The following STXBP4 variants were observed in gnomAD, a reference collection of about 807,000 sequenced individuals.
STXBP4 encodes the protein syntaxin binding protein 4, also known as syntaxin-binding protein 4.
In STXBP4, 55 loss-of-function variants were observed where a neutral mutation model predicts 76.1. The observed-to-expected ratio is 0.72, with a 90% CI of 0.58 to 0.91. The LOEUF is 0.91. STXBP4 is among the 40% of genes least tolerant of loss of function. The pLI, the probability that STXBP4 is intolerant of heterozygous loss-of-function variation, is 0.00. For missense variants in STXBP4, 618 were observed against 636.9 expected (o/e 0.97, Z 0.32); for synonymous variants, 201 against 220.2 (o/e 0.91, Z 0.77).
In STXBP4 at chr17:55,169,551, A is replaced by G. The variant is rs1056032942; in HGVS notation, c.*9640A>G. The G allele has an allele frequency of 1.3e-5, 2 of 152,238 alleles. No individual in the cohort carries two copies. The highest frequency in any genetic ancestry group is 2.9e-5 in the Non-Finnish European group (2 of 68,056). The allele number at this position is 152,238 out of a possible 1,614,324, so 9.4% of individuals were successfully genotyped here. A position where few individuals can be genotyped will look rare whatever the true frequency, so the allele number is the denominator to read the frequency against. Reference sequence around the variant, plus strand: ...GGATCTGAAAGTGCTAGCAGTGCCTATTATACATCCAAATACTAAAGACGC... The same window carrying G: ...GGATCTGAAAGTGCTAGCAGTGCCTGTTATACATCCAAATACTAAAGACGC... On this transcript the variant is annotated 3_prime_UTR_variant, in exon 18 of 18. Transcript: ENST00000376352.
intron 17 of STXBP4, among the ~76,000 whole-genome samples, chr17:55,153,586 T>C (rs1318232665): frequency 6.6e-6 from 1 of 152,216 alleles, no homozygotes; most frequent in East Asian, 1.9e-4. Context: ...ATTTTAGTTT[T>C]TTAAGGTTTT....
intron 8 of STXBP4, among the ~76,000 whole-genome samples, chr17:55,009,730 CT>C (rs1011814411): frequency 3.3e-5 from 5 of 151,800 alleles, no homozygotes; most frequent in African/African-American, 4.8e-5. Context: ...GTAGAGCATT[CT>C]TTTTTTTCAG....
chr17:55,031,065 T>C, intron 8 of STXBP4, 103 bp from the exon 9 acceptor site: 1 of 818,710 alleles, frequency 1.2e-6, no homozygotes, highest in South Asian at 1.7e-5. Context: ...TGGTCGACTG[T>C]TTCTGGTATT....
chr17:55,151,519 T>C (rs2080217425), intron 17 of STXBP4, among the ~76,000 whole-genome samples: 1 of 152,186 alleles, frequency 6.6e-6, no homozygotes, highest in South Asian at 2.1e-4. Flanking sequence ...TGCCTGCACT[T>C]TGTTACTTAG....
At chr17:55,206,069 T>C in the STXBP4 span, among the ~76,000 whole-genome samples, 3 of 152,232 alleles carry the variant, frequency 2.0e-5, no homozygotes, top group African/African-American at 7.2e-5. Context: ...AAACTCTATA[T>C]TGATTAGTGA....
rs560839722 is a variant in STXBP4, at chr17:55,127,605, A to G, written c.1490-13705A>G. ...GGGGTCACTTTTATTTAAGTTTATA[A>G]CTCTTTAATGTAATGATTATTGAGT... On this transcript the variant is annotated intron_variant, in intron 16 of 17. Coordinates refer to ENST00000376352, the MANE Select transcript of STXBP4 (RefSeq NM_178509.6). Among the ~76,000 whole-genome samples the G allele has an allele frequency of 2.6e-5, 4 of 152,186 alleles. No individual in the cohort carries two copies. The East Asian group carries it at 7.7e-4, about 29-fold the overall frequency.
At chr17:55,085,588 A>G (rs1411872981) in intron 16 of STXBP4, among the ~76,000 whole-genome samples, 2 of 151,872 alleles carry the variant, frequency 1.3e-5, no homozygotes, top group East Asian at 1.9e-4. Flanking sequence ...AATCTTCCCT[A>G]TGCTGGGGAA....
the STXBP4 span, among the ~76,000 whole-genome samples, chr17:55,208,985 G>A: frequency 1.3e-5 from 2 of 151,982 alleles, no homozygotes; most frequent in Non-Finnish European, 2.9e-5. Flanking sequence ...AGGAGGCTGA[G>A]GCAGGAGAAT....
At chr17:55,211,565 A>T in the STXBP4 span, among the ~76,000 whole-genome samples, 1 of 151,778 alleles carries the variant, frequency 6.6e-6, no homozygotes. Context: ...TTATTTCCCT[A>T]TTGTTTTTTG....
chr17:55,173,481 G>A lies in STXBP4; in HGVS notation c.*13570G>A, dbSNP rs868089389. 3.9e-5 allele frequency: 6 copies of A among 152,310 alleles called. No homozygotes were observed. Among genetic ancestry groups the A allele is most frequent in the Middle Eastern group, 6.8e-3 (2 of 294 alleles). The allele number at this position is 152,310 out of a possible 1,614,324, so 9.4% of individuals were successfully genotyped here. A position where few individuals can be genotyped will look rare whatever the true frequency, so the allele number is the denominator to read the frequency against. ...GCATAATGCCTTTGAGATTCATCCA[G>A]ATCGTTGTGTGTATCAGTAGTTTGT... On this transcript the variant is annotated 3_prime_UTR_variant, in exon 18 of 18. Transcript: ENST00000376352.
the STXBP4 span, among the ~76,000 whole-genome samples, chr17:55,185,293 C>T: frequency 3.9e-3 from 435 of 112,892 alleles, no homozygotes; most frequent in East Asian, 0.018. Flanking sequence ...TTCTCCTTCT[C>T]CTTCTCCTTC....
At chr17:55,131,770 C>T (rs1013099718) in intron 16 of STXBP4, among the ~76,000 whole-genome samples, 2 of 152,086 alleles carry the variant, frequency 1.3e-5, no homozygotes, top group African/African-American at 4.8e-5. Flanking sequence ...CCCCCACCCA[C>T]CCCTGCCTTA....
At chr17:55,097,464 C>T (rs935206063) in intron 16 of STXBP4, among the ~76,000 whole-genome samples, 10 of 152,216 alleles carry the variant, frequency 6.6e-5, no homozygotes, top group Middle Eastern at 3.4e-3. Context: ...GAGATCGAGA[C>T]CATCCTGGCT....
At chr17:55,004,674 C>A (rs916003811) in intron 7 of STXBP4, among the ~76,000 whole-genome samples, 5 of 151,176 alleles carry the variant, frequency 3.3e-5, no homozygotes, top group African/African-American at 1.2e-4. Context: ...GCACTCCAGC[C>A]TGGGAGACAG....
chr17:55,185,260 T>C, the STXBP4 span, among the ~76,000 whole-genome samples: 2 of 50,620 alleles, frequency 4.0e-5, no homozygotes, highest in African/African-American at 9.8e-5. Context: ...TCCTTCTCCT[T>C]CTCCTTCTCC....
intron 13 of STXBP4, among the ~76,000 whole-genome samples, chr17:55,074,352 G>A (rs947161186): frequency 4.6e-5 from 7 of 152,072 alleles, no homozygotes; most frequent in African/African-American, 1.2e-4. Context: ...ACCACAAGGC[G>A]AAGAGGAAAA....
intron 16 of STXBP4, among the ~76,000 whole-genome samples, chr17:55,132,017 C>A: frequency 6.6e-6 from 1 of 152,144 alleles, no homozygotes; most frequent in African/African-American, 2.4e-5. Flanking sequence ...GCCACTGCAC[C>A]TGGGCAACAG....
At chr17:55,067,158 G>T (rs2079062263) in intron 12 of STXBP4, among the ~76,000 whole-genome samples, 2 of 152,184 alleles carry the variant, frequency 1.3e-5, no homozygotes, top group East Asian at 1.9e-4. Flanking sequence ...ATTAGATAGG[G>T]TTTTTACTCT....
intron 12 of STXBP4, among the ~76,000 whole-genome samples, chr17:55,067,690 A>C (rs1199163075): frequency 1.3e-5 from 2 of 152,192 alleles, no homozygotes; most frequent in African/African-American, 2.4e-5. Flanking sequence ...AATCTTTCAG[A>C]AGTATGCAGA....
Sources: gnomAD v4.1 joint callset for allele counts (sites outside exome capture counted in the v4.1 genomes callset) on GRCh38, gnomAD v4.1.1 for gene constraint, MANE v1.5 for transcripts, NCBI Gene and HGNC (gene_info 2026-07-23, HGNC 2026-07-21) for gene names.